Variants in CNTN5 observed in about 807,000 individuals in gnomAD.
CNTN5 encodes the protein contactin 5.
Under a neutral mutation model 129.1 loss-of-function variants are expected in CNTN5, and 77 were observed. The observed-to-expected ratio is 0.60, with a 90% CI of 0.50 to 0.72. CNTN5 has a LOEUF of 0.72. CNTN5 is among the 30% of genes least tolerant of loss of function. The probability of loss-of-function intolerance (pLI) is 0.00; values close to 1 mark genes in which losing one functional copy is unlikely to be tolerated. For missense variants in CNTN5, 1,478 were observed against 1,328.8 expected (o/e 1.11, Z -1.75); for synonymous variants, 509 against 465.6 (o/e 1.09, Z -1.20).
intron 2 of CNTN5, among the ~76,000 whole-genome samples, chr11:99,488,418 G>A (rs1945907629): frequency 6.6e-6 from 1 of 152,048 alleles, no homozygotes; most frequent in Non-Finnish European, 1.5e-5. Flanking sequence ...TGATCTGCCT[G>A]TCTTGGCCTC....
chr11:99,436,074 C>G (rs10501908), intron 2 of CNTN5, among the ~76,000 whole-genome samples: 3,139 of 152,220 alleles, frequency 0.021, 50 homozygotes, highest in Middle Eastern at 0.044. Context: ...TCTCATATTA[C>G]AACGCTACCA....
intron 1 of CNTN5, among the ~76,000 whole-genome samples, chr11:99,063,507 CATAAATAAATAAA>C (rs972849224): frequency 6.7e-6 from 1 of 148,684 alleles, no homozygotes; most frequent in Non-Finnish European, 1.5e-5. Flanking sequence ...ACTGAAAACT[CATAAATAAATAAA>C]TAAATAAATA....
At chr11:99,537,613 T>C (rs1455928992) in intron 2 of CNTN5, among the ~76,000 whole-genome samples, 1 of 152,172 alleles carries the variant, frequency 6.6e-6, no homozygotes, top group Non-Finnish European at 1.5e-5. Flanking sequence ...CAACAGTAAG[T>C]ACTACCAACC....
chr11:99,901,438 G>A (rs918846350), intron 6 of CNTN5, among the ~76,000 whole-genome samples: 1 of 151,936 alleles, frequency 6.6e-6, no homozygotes, highest in Non-Finnish European at 1.5e-5. Context: ...TTACAGGTGT[G>A]CACCACCATG....
chr11:99,579,837 G>A (rs561456258), intron 3 of CNTN5, among the ~76,000 whole-genome samples: 57 of 150,918 alleles, frequency 3.8e-4, no homozygotes, highest in Admixed American at 2.9e-3. Flanking sequence ...TCTCCTGCCT[G>A]ACTGCCCTGG....
intron 3 of CNTN5, among the ~76,000 whole-genome samples, chr11:99,801,079 C>T (rs1946099623): frequency 2.0e-5 from 3 of 152,110 alleles, no homozygotes; most frequent in Admixed American, 1.3e-4. Context: ...TTGTTTTTCT[C>T]ATTTCCGTGT....
chr11:99,360,863 C>A (rs1011154264), intron 2 of CNTN5, among the ~76,000 whole-genome samples: 4 of 152,154 alleles, frequency 2.6e-5, no homozygotes, highest in African/African-American at 9.7e-5. Flanking sequence ...AGTTCTAATT[C>A]TTTTTTGATT....
At chr11:99,338,925 T>TATATATATATATATATATATCTGTG (rs1866371273) in intron 2 of CNTN5, among the ~76,000 whole-genome samples, 2 of 97,582 alleles carry the variant, frequency 2.0e-5, no homozygotes, top group African/African-American at 7.4e-5. Flanking sequence ...CACAGATATA[T>TATATATATATATATATATATCTGTG]ATATATATAT....
intron 3 of CNTN5, among the ~76,000 whole-genome samples, chr11:99,726,779 C>T (rs72985840): frequency 5.5e-4 from 84 of 152,078 alleles, no homozygotes; most frequent in African/African-American, 1.9e-3. Flanking sequence ...CAGATTCTTC[C>T]GGCAGGTCAT....
rs1192634219 is a variant in CNTN5 at position 99,695,846 on chromosome 11, C to A, written c.56-123698C>A. On this transcript the variant is annotated intron_variant, in intron 3 of 24. Coordinates refer to ENST00000524871, the MANE Select transcript of CNTN5 (RefSeq NM_014361.4). ...ATGCAAATTACTAGATTTACTTGTGCTTTGGAAACCTCTTCTATAAAATGT... is the reference window on the plus strand; with the variant it reads ...ATGCAAATTACTAGATTTACTTGTGATTTGGAAACCTCTTCTATAAAATGT... 3.9e-5 allele frequency among the ~76,000 whole-genome samples: 6 copies of A among 152,036 alleles called. 1 individual carries two copies. Among genetic ancestry groups the A allele is most frequent in the Non-Finnish European group, 1.5e-5 (1 of 67,992 alleles).
At chr11:100,095,274 G>A (rs1444338807) in intron 13 of CNTN5, among the ~76,000 whole-genome samples, 1 of 152,096 alleles carries the variant, frequency 6.6e-6, no homozygotes, top group Non-Finnish European at 1.5e-5. Flanking sequence ...AAACTAACTA[G>A]AAGTCTTGTT....
At chr11:99,912,209 A>T (rs1949679026) in intron 6 of CNTN5, among the ~76,000 whole-genome samples, 1 of 151,976 alleles carries the variant, frequency 6.6e-6, no homozygotes. Flanking sequence ...GAAGGAAATA[A>T]AGGAAAAATC....
intron 1 of CNTN5, among the ~76,000 whole-genome samples, chr11:99,055,641 G>T (rs969446715): frequency 6.6e-6 from 1 of 151,614 alleles, no homozygotes; most frequent in Non-Finnish European, 1.5e-5. Context: ...TAAGCTGTAT[G>T]GTGTACATTT....
intron 2 of CNTN5, among the ~76,000 whole-genome samples, chr11:99,381,948 G>A (rs1277648572): frequency 4.0e-5 from 6 of 150,984 alleles, no homozygotes; most frequent in African/African-American, 1.5e-4. Flanking sequence ...GATGCTCCTC[G>A]AGGGCTGAGA....
intron 1 of CNTN5, among the ~76,000 whole-genome samples, chr11:99,208,456 G>C (rs1859593654): frequency 6.6e-6 from 1 of 151,976 alleles, no homozygotes; most frequent in Non-Finnish European, 1.5e-5. Flanking sequence ...TTTGCAAAGG[G>C]TCATACTTAT....
chr11:99,777,560 A>G (rs895486067), intron 3 of CNTN5, among the ~76,000 whole-genome samples: 2 of 151,870 alleles, frequency 1.3e-5, no homozygotes, highest in African/African-American at 4.8e-5. Flanking sequence ...AAGCAATTTT[A>G]TATAAGGTCA....
intron 3 of CNTN5, among the ~76,000 whole-genome samples, chr11:99,589,385 A>G (rs1002626628): frequency 6.6e-6 from 1 of 152,226 alleles, no homozygotes; most frequent in Non-Finnish European, 1.5e-5. Context: ...TTCTACCCTG[A>G]TTATTCAGTA....
At chr11:99,084,413 G>A (rs1336608907) in intron 1 of CNTN5, among the ~76,000 whole-genome samples, 2 of 152,164 alleles carry the variant, frequency 1.3e-5, no homozygotes, top group African/African-American at 4.8e-5. Context: ...GTTTCCCAGA[G>A]CATAAATCAT....
chr11:99,266,150 A>G (rs1862873393), intron 1 of CNTN5, among the ~76,000 whole-genome samples: 2 of 152,122 alleles, frequency 1.3e-5, no homozygotes, highest in Admixed American at 6.6e-5. Flanking sequence ...TGTATTCATG[A>G]ATTCAATTGA....
Sources: allele counts gnomAD v4.1 joint callset (sites outside exome capture counted in the v4.1 genomes callset), GRCh38; gene constraint gnomAD v4.1.1; transcripts MANE v1.5; gene names NCBI Gene and HGNC (gene_info 2026-07-23, HGNC 2026-07-21).